MCPH1: variants seen among roughly 807,000 people sequenced by gnomAD.
MCPH1 encodes the protein microcephalin 1, also known as microcephalin.
Under a neutral mutation model 84.5 loss-of-function variants are expected in MCPH1, and 104 were observed. That is an observed-to-expected ratio of 1.23 (90% CI 1.05 to 1.45). The LOEUF (loss-of-function observed/expected upper bound fraction) is 1.45, where lower values mean the gene tolerates loss of function less well. Ranked by LOEUF, MCPH1 falls within the 40% of genes most tolerant of loss-of-function variation. The probability of loss-of-function intolerance (pLI) is 0.00; values close to 1 mark genes in which losing one functional copy is unlikely to be tolerated. For missense variants in MCPH1, 1,498 were observed against 1,005.7 expected (o/e 1.49, Z -6.62); for synonymous variants, 514 against 366.8 (o/e 1.40, Z -4.58).
chr8:6,562,138 C>G (rs1306634325), intron 12 of MCPH1, among the ~76,000 whole-genome samples: 32 of 152,200 alleles, frequency 2.1e-4, no homozygotes, highest in Admixed American at 2.1e-3. Context: ...GAGTCACAAC[C>G]TATTTTAGTA....
At position 6,444,598 on chromosome 8, in the gene MCPH1, G is replaced by T. The variant is rs746566577; in HGVS notation, c.876G>T (p.Leu292=). Residue 292 remains leucine, a synonymous_variant, in exon 8 of 14, where the codon CTG becomes CTT. Transcript: ENST00000344683. ...ATAAATCAAGTCCTCAGAAATTTCT[G>T]AGTAATCTTTCAAAGGAAGAAATAA... is the stretch of plus-strand genomic sequence containing the variant. ...HLDKSSPQKF[L]SNLSKEEINL... 1 of 1,614,144 alleles carries T rather than the reference G, an allele frequency of 6.2e-7. No individual in the cohort carries two copies. The highest frequency in any genetic ancestry group is 1.7e-5 in the Admixed American group (1 of 60,026).
At chr8:6,559,868 C>G (rs970959646) in intron 12 of MCPH1, among the ~76,000 whole-genome samples, 1 of 152,206 alleles carries the variant, frequency 6.6e-6, no homozygotes, top group African/African-American at 2.4e-5. Context: ...ATGAGTTTAT[C>G]TGATCCTTGT....
intron 12 of MCPH1, chr8:6,503,224 G>C: frequency 6.2e-7 from 1 of 1,614,104 alleles, no homozygotes; most frequent in Non-Finnish European, 8.5e-7. Flanking sequence ...AGTACATTCC[G>C]TTCAAGTTGG....
In MCPH1 at chr8:6,609,819, G is replaced by GCCC. The variant is rs11280683; in HGVS notation, c.2215-11627_2215-11625dup. On this transcript the variant is annotated intron_variant, in intron 12 of 13. Transcript: ENST00000344683. Reference sequence around the variant, plus strand: ...TCTCATTATCAAAGCAATGCCCCCCGCCCCCCCCCCACACACAGACTGCCA... The same window carrying GCCC: ...TCTCATTATCAAAGCAATGCCCCCCGCCCCCCCCCCCCCACACACAGACTGCCA... Among the ~76,000 whole-genome samples, 194 of 104,048 alleles carry GCCC rather than the reference G, an allele frequency of 1.9e-3. 4 individuals are homozygous for GCCC. Among genetic ancestry groups the GCCC allele is most frequent in the East Asian group, 6.8e-3 (27 of 3,972 alleles). 68.3% of individuals were successfully genotyped at this position (104,048 alleles called of 152,430 possible).
At chr8:6,424,843 G>A (rs891652111) in intron 3 of MCPH1, among the ~76,000 whole-genome samples, 1 of 152,188 alleles carries the variant, frequency 6.6e-6, no homozygotes, top group East Asian at 1.9e-4. Context: ...GTTCTTCCTT[G>A]TGTGTCAGGG....
rs1825749781 is a variant in MCPH1 at position 6,562,729 on chromosome 8, G to A, written c.2215-58725G>A. 1.9e-6 allele frequency: 3 copies of A among 1,613,506 alleles called. No individual in the cohort carries two copies. Among genetic ancestry groups the A allele is most frequent in the Non-Finnish European group, 2.5e-6 (3 of 1,179,914 alleles). On this transcript the variant is annotated intron_variant, in intron 12 of 13. Coordinates refer to ENST00000344683, the MANE Select transcript of MCPH1 (RefSeq NM_024596.5). ...CACCGAGTCATCGTATTCGAGCGGC[G>A]CGTCCCTCTGCACAGCATTGGACAC...
intron 12 of MCPH1, among the ~76,000 whole-genome samples, chr8:6,602,213 G>A (rs1275146024): frequency 6.6e-6 from 1 of 152,228 alleles, no homozygotes; most frequent in Non-Finnish European, 1.5e-5. Flanking sequence ...CGAGGAGGGA[G>A]GCAACAAGGG....
chr8:6,440,169 AT>A (rs1328849064), intron 6 of MCPH1, among the ~76,000 whole-genome samples: 1 of 151,880 alleles, frequency 6.6e-6, no homozygotes, highest in Non-Finnish European at 1.5e-5. Flanking sequence ...ATTGGTGGGT[AT>A]TTTTTTCCCA....
chr8:6,600,552 C>G (rs1311342344), intron 12 of MCPH1, among the ~76,000 whole-genome samples: 5 of 152,384 alleles, frequency 3.3e-5, no homozygotes, highest in African/African-American at 9.6e-5. Flanking sequence ...ATACCTCTGA[C>G]TGAGGCACGT....
At chr8:6,611,762 G>T (rs1199742080) in intron 12 of MCPH1, among the ~76,000 whole-genome samples, 1 of 152,188 alleles carries the variant, frequency 6.6e-6, no homozygotes, top group Non-Finnish European at 1.5e-5. Context: ...GGGACTACAG[G>T]CGTCCGCCAC....
chr8:6,553,203 G>T (rs535727961), intron 12 of MCPH1, among the ~76,000 whole-genome samples: 20 of 152,296 alleles, frequency 1.3e-4, no homozygotes, highest in Middle Eastern at 3.4e-3. Context: ...TGCCACGGAG[G>T]GGGGATATGG....
At chr8:6,606,591 G>A (rs748278103) in intron 12 of MCPH1, among the ~76,000 whole-genome samples, 8 of 152,208 alleles carry the variant, frequency 5.3e-5, no homozygotes, top group African/African-American at 7.2e-5. Flanking sequence ...CACACAGGGA[G>A]CAAGGCTGTG....
intron 12 of MCPH1, among the ~76,000 whole-genome samples, chr8:6,619,882 C>T (rs1032509935): frequency 2.0e-5 from 3 of 152,204 alleles, no homozygotes; most frequent in African/African-American, 7.2e-5. Context: ...CCGTGCCCGG[C>T]CAGATACTTT....
At chr8:6,509,193 C>A in intron 12 of MCPH1, 1 of 1,189,160 alleles carries the variant, frequency 8.4e-7, no homozygotes, top group Non-Finnish European at 1.2e-6. Context: ...AATGCATACT[C>A]TGGACAAAAT....
At chr8:6,439,681 C>A (rs553003915) in intron 6 of MCPH1, among the ~76,000 whole-genome samples, 1 of 152,234 alleles carries the variant, frequency 6.6e-6, no homozygotes, top group East Asian at 1.9e-4. Flanking sequence ...GTAATCCAGG[C>A]GTGAGCCACC....
chr8:6,606,502 C>A (rs1335605607), intron 12 of MCPH1, among the ~76,000 whole-genome samples: 2 of 152,202 alleles, frequency 1.3e-5, no homozygotes, highest in South Asian at 2.1e-4. Context: ...TTGGAGGGAA[C>A]TTCCCTAGGT....
intron 5 of MCPH1, among the ~76,000 whole-genome samples, chr8:6,438,341 G>A (rs1279177901): frequency 6.6e-6 from 1 of 152,068 alleles, no homozygotes; most frequent in African/African-American, 2.4e-5. Context: ...TCCCAAAGGA[G>A]AATATATTAA....
chr8:6,408,183 C>A (rs1259294469), intron 1 of MCPH1, among the ~76,000 whole-genome samples: 1 of 152,262 alleles, frequency 6.6e-6, no homozygotes, highest in African/African-American at 2.4e-5. Flanking sequence ...TTGTTCTTTG[C>A]TTAAAATTTT....
intron 12 of MCPH1, among the ~76,000 whole-genome samples, chr8:6,591,412 G>A (rs998393466): frequency 3.9e-5 from 6 of 152,192 alleles, no homozygotes; most frequent in African/African-American, 9.6e-5. Context: ...CCCTGGTAAC[G>A]TGATTTCTCA....
Sources: gnomAD v4.1 joint callset for allele counts (sites outside exome capture counted in the v4.1 genomes callset) on GRCh38, gnomAD v4.1.1 for gene constraint, MANE v1.5 for transcripts, NCBI Gene and HGNC (gene_info 2026-07-23, HGNC 2026-07-21) for gene names.